Variants in POLA1 observed in about 807,000 individuals in gnomAD.
POLA1 encodes DNA polymerase alpha catalytic subunit.
A neutral mutation model predicts 124.0 loss-of-function variants in POLA1; 15 were observed. The observed-to-expected ratio is 0.12, with a 90% CI of 0.08 to 0.19. POLA1 has a LOEUF of 0.19. Ranked by LOEUF, POLA1 falls within the 10% of genes least tolerant of loss-of-function variation. The pLI, the probability that POLA1 is intolerant of heterozygous loss-of-function variation, is 1.00. For missense variants in POLA1, 886 were observed against 1,103.4 expected (o/e 0.80, Z 2.79); for synonymous variants, 408 against 389.4 (o/e 1.05, Z -0.56).
At position 24,922,516 on chromosome X, in the gene POLA1, G is replaced by A. The variant is rs909682319; in HGVS notation, c.4165-7937G>A. On this transcript the variant is annotated intron_variant, in intron 35 of 36. Coordinates refer to ENST00000379068, the MANE Select transcript of POLA1 (RefSeq NM_001330360.2). ...AGTGAGAGCACCAGTTAATACATTG[G>A]GGTCTTAAAGGTCTTAAAAGTTGGT... Among the ~76,000 whole-genome samples the A allele has an allele frequency of 2.7e-5, 3 of 111,363 alleles. No homozygotes were observed. In the Admixed American group the frequency reaches 2.9e-4, roughly 11 times the overall value.
intron 36 of POLA1, among the ~76,000 whole-genome samples, chrX:24,971,109 C>A (rs1001027211): frequency 1.8e-5 from 2 of 111,814 alleles, no homozygotes; most frequent in Non-Finnish European, 3.8e-5. Flanking sequence ...GGTTTGTGAC[C>A]CTCAGTAGCC....
chrX:24,813,129 C>G (rs1003300956), intron 29 of POLA1, among the ~76,000 whole-genome samples: 2 of 110,974 alleles, frequency 1.8e-5, no homozygotes, highest in African/African-American at 6.6e-5. Context: ...TAAGGGTAAA[C>G]CTTCACACTT....
chrX:24,863,815 A>G lies in POLA1; in HGVS notation c.4047+20138A>G, dbSNP rs765098435. On this transcript the variant is annotated intron_variant, in intron 34 of 36. Transcript: ENST00000379068. ...GTTTTTCCTCATAGTTAATCTAAAC[A>G]TTCTTCTCTCTGTTCTAGGCCTCAC... is the stretch of plus-strand genomic sequence containing the variant. Among the ~76,000 whole-genome samples, 154 of 110,808 alleles carry G rather than the reference A, an allele frequency of 1.4e-3. 1 individual carries two copies. Among genetic ancestry groups the G allele is most frequent in the Non-Finnish European group, 2.3e-3 (124 of 52,896 alleles).
intron 26 of POLA1, among the ~76,000 whole-genome samples, chrX:24,764,684 A>G (rs1371191556): frequency 8.9e-6 from 1 of 112,267 alleles, no homozygotes; most frequent in Non-Finnish European, 1.9e-5. Context: ...AATGGCAAAC[A>G]GTATTTTTAT....
intron 36 of POLA1, among the ~76,000 whole-genome samples, chrX:24,956,911 A>G (rs1198479684): frequency 8.9e-6 from 1 of 112,354 alleles, no homozygotes; most frequent in Non-Finnish European, 1.9e-5. Context: ...AGAAGCAAGT[A>G]GCAGCCATGA....
At chrX:24,829,525 A>G (rs2046228840) in intron 32 of POLA1, among the ~76,000 whole-genome samples, 2 of 111,738 alleles carry the variant, frequency 1.8e-5, no homozygotes, top group Non-Finnish European at 3.8e-5. Flanking sequence ...GCATTAATGA[A>G]GTGTAGGCCC....
At chrX:24,742,749 A>T (rs1931751651) in intron 22 of POLA1, among the ~76,000 whole-genome samples, 1 of 111,912 alleles carries the variant, frequency 8.9e-6, no homozygotes, top group Non-Finnish European at 1.9e-5. Flanking sequence ...GTTGGCCAGT[A>T]ATAAACTACT....
At chrX:24,902,004 GCACA>G (rs781587090) in intron 35 of POLA1, among the ~76,000 whole-genome samples, 4 of 104,957 alleles carry the variant, frequency 3.8e-5, no homozygotes, top group East Asian at 2.9e-4. Flanking sequence ...GCATGTGCGT[GCACA>G]CACACACACA....
chrX:24,869,208 A>G (rs935571106), intron 34 of POLA1, among the ~76,000 whole-genome samples: 1 of 112,812 alleles, frequency 8.9e-6, no homozygotes, highest in Non-Finnish European at 1.9e-5. Context: ...TGCTGGGATT[A>G]CAGGCATGAG....
intron 26 of POLA1, among the ~76,000 whole-genome samples, chrX:24,759,560 A>G (rs1343311578): frequency 3.6e-5 from 4 of 112,452 alleles, no homozygotes; most frequent in Admixed American, 9.4e-5. Context: ...TTTTGAATTT[A>G]TAAGAATGGC....
intron 4 of POLA1, among the ~76,000 whole-genome samples, chrX:24,705,579 T>C (rs1459745513): frequency 8.9e-6 from 1 of 112,043 alleles, no homozygotes; most frequent in East Asian, 2.8e-4. Context: ...ATATATTGTC[T>C]GTATTAAAAG....
At chrX:24,825,113 A>G (rs2046151525) in intron 31 of POLA1, among the ~76,000 whole-genome samples, 1 of 112,292 alleles carries the variant, frequency 8.9e-6, no homozygotes, top group Admixed American at 9.4e-5. Flanking sequence ...CGTGGTTTTT[A>G]TCATTGGTTG....
chrX:24,815,082 G>T lies in POLA1; in HGVS notation c.3400G>T (p.Val1134Phe). The T allele has an allele frequency of 8.3e-7, 1 of 1,201,819 alleles. No individual in the cohort carries two copies. The highest frequency in any genetic ancestry group is 1.1e-6 in the Non-Finnish European group (1 of 889,488). ...TGGAGAAAATGTGCTAAATGGCAGT[G>T]TCCCAGTGAGCCAGTTTGAAATTAA... Reference protein sequence around the residue: ...EIGENVLNGSVPVSQFEINKA... With the variant: ...EIGENVLNGSFPVSQFEINKA... The change falls in exon 30 of 37, where the codon GTC becomes TTC. Residue 1134 changes from valine to phenylalanine, a missense_variant. Val to Phe is a conservative substitution (Grantham distance 50). This residue lies in a region of POLA1 where 313 missense variants were observed against 359.7 expected (regional missense o/e 0.87). Transcript: ENST00000379068.
chrX:24,804,018 C>A (rs918068649), intron 26 of POLA1, among the ~76,000 whole-genome samples: 18 of 85,223 alleles, frequency 2.1e-4, no homozygotes, highest in African/African-American at 6.7e-4. Flanking sequence ...GCCTGTGGTT[C>A]TTTTTATTCT....
intron 35 of POLA1, among the ~76,000 whole-genome samples, chrX:24,902,608 A>G (rs1032004257): frequency 7.1e-5 from 8 of 111,948 alleles, no homozygotes; most frequent in South Asian, 3.8e-4. Context: ...GGTGTGCTCC[A>G]TACTCTGTTC....
intron 26 of POLA1, among the ~76,000 whole-genome samples, chrX:24,752,275 C>T (rs752173610): frequency 3.2e-4 from 36 of 112,418 alleles, no homozygotes; most frequent in African/African-American, 1.1e-3. Flanking sequence ...TCAATATTGT[C>T]TTTTCACAGG....
intron 35 of POLA1, among the ~76,000 whole-genome samples, chrX:24,895,871 AT>A (rs1447429824): frequency 2.0e-4 from 23 of 112,669 alleles, no homozygotes; most frequent in Admixed American, 1.0e-3. Context: ...TTTAATCAGT[AT>A]GCTTTGTGTA....
intron 36 of POLA1, among the ~76,000 whole-genome samples, chrX:24,932,933 G>A (rs1187003542): frequency 9.0e-6 from 1 of 111,387 alleles, no homozygotes; most frequent in Non-Finnish European, 1.9e-5. Context: ...CAAAACTTGG[G>A]GGCACACTTA....
chrX:24,773,301 C>T (rs889684720), intron 26 of POLA1, among the ~76,000 whole-genome samples: 7 of 111,900 alleles, frequency 6.3e-5, no homozygotes, highest in African/African-American at 2.3e-4. Flanking sequence ...GGGAGGGACA[C>T]CTTGTGTGGT....
Sources: gnomAD v4.1 joint callset for allele counts (sites outside exome capture counted in the v4.1 genomes callset) on GRCh38, gnomAD v4.1.1 for gene constraint, gnomAD v4.1.1 regional missense constraint, MANE v1.5 for transcripts, NCBI Gene and HGNC (gene_info 2026-07-23, HGNC 2026-07-21) for gene names.